ASH1L: variants seen among roughly 807,000 people sequenced by gnomAD.
The protein encoded by ASH1L is histone-lysine N-methyltransferase ASH1L.
In ASH1L, 23 loss-of-function variants were observed where a neutral mutation model predicts 269.0. That is an observed-to-expected ratio of 0.09 (90% CI 0.06 to 0.12). ASH1L has a LOEUF of 0.12. Ranked by LOEUF, ASH1L falls within the 10% of genes least tolerant of loss-of-function variation. ASH1L has a pLI of 1.00. For synonymous variants in ASH1L, 1,187 were observed against 1,253.5 expected, an observed-to-expected ratio of 0.95 and a Z score of 1.12; for missense variants, 2,912 against 3,567.8, an observed-to-expected ratio of 0.82 and a Z score of 4.68.
At chr1:155,355,712 T>G (rs529451175) in intron 15 of ASH1L, among the ~76,000 whole-genome samples, 4 of 152,280 alleles carry the variant, frequency 2.6e-5, no homozygotes, top group African/African-American at 9.6e-5. Context: ...AATTTAAAAT[T>G]TCTACAACTC....
At chr1:155,528,125 C>T (rs1008999952) in intron 1 of ASH1L, among the ~76,000 whole-genome samples, 3 of 152,178 alleles carry the variant, frequency 2.0e-5, no homozygotes, top group Non-Finnish European at 2.9e-5. Flanking sequence ...GCTTACTTGA[C>T]ATACTGACTG....
In ASH1L at chr1:155,562,310, A is replaced by G. The variant is rs774048238; in HGVS notation, c.-257T>C. 4.4e-6 allele frequency: 7 copies of G among 1,587,766 alleles called. No homozygotes were observed. In the Admixed American group the frequency reaches 8.4e-5, roughly 19 times the overall value. On this transcript the variant is annotated 5_prime_UTR_variant, in exon 1 of 28. Coordinates refer to ENST00000392403, the MANE Select transcript of ASH1L (RefSeq NM_018489.3). ...GGGTAAGCTGACTGGCGGAAATGCG[A>G]GAGAGGAGAAGGGAAAGGTGGAAGG...
intron 2 of ASH1L, among the ~76,000 whole-genome samples, chr1:155,507,714 A>T (rs1465361202): frequency 6.6e-6 from 1 of 152,160 alleles, no homozygotes; most frequent in Non-Finnish European, 1.5e-5. Flanking sequence ...TCTATAAAAA[A>T]TAAAATAAAA....
intron 7 of ASH1L, among the ~76,000 whole-genome samples, chr1:155,384,301 C>G (rs1405761219): frequency 1.3e-5 from 2 of 152,054 alleles, no homozygotes; most frequent in Admixed American, 1.3e-4. Flanking sequence ...TAATTCCTGA[C>G]AGATATTTTC....
chr1:155,466,378 A>G (rs1664701028), intron 3 of ASH1L, among the ~76,000 whole-genome samples: 1 of 152,062 alleles, frequency 6.6e-6, no homozygotes. Context: ...AAACAAAACA[A>G]AACAAAAACT....
At chr1:155,372,099 G>A (rs1656003291) in intron 10 of ASH1L, among the ~76,000 whole-genome samples, 1 of 151,440 alleles carries the variant, frequency 6.6e-6, no homozygotes, top group Admixed American at 6.6e-5. Context: ...TGTCCTCTGG[G>A]TTCAAGCAAT....
At chr1:155,466,356 A>C (rs1287926363) in intron 3 of ASH1L, among the ~76,000 whole-genome samples, 3 of 152,032 alleles carry the variant, frequency 2.0e-5, no homozygotes, top group Non-Finnish European at 4.4e-5. Flanking sequence ...CCCGTCTCAA[A>C]AAAACAAAAC....
intron 5 of ASH1L, among the ~76,000 whole-genome samples, chr1:155,429,159 A>T (rs576754283): frequency 3.9e-5 from 6 of 152,356 alleles, no homozygotes; most frequent in Non-Finnish European, 8.8e-5. Flanking sequence ...ACAAACAATG[A>T]AACAACACAT....
chr1:155,480,683 C>T lies in ASH1L; in HGVS notation c.2187G>A (p.Arg729=), dbSNP rs1356688567. 1 of 1,613,446 alleles carries T rather than the reference C, an allele frequency of 6.2e-7. No homozygotes were observed. The highest frequency in any genetic ancestry group is 1.3e-5 in the African/African-American group (1 of 74,816). ...TTTCTAATTCTAGCCCTTTTGGAGACCGGCATGTGCTTCTTGCCACCACTT... is the reference window on the plus strand; with the variant it reads ...TTTCTAATTCTAGCCCTTTTGGAGATCGGCATGTGCTTCTTGCCACCACTT... ...WTKVVARSTC[R]SPKGLELERS... Residue 729 remains arginine (R), a synonymous_variant, in exon 3 of 28, where the codon CGG becomes CGA. Transcript: ENST00000392403.
rs1357770890 is a variant in ASH1L at position 155,478,927 on chromosome 1, G to A, written c.3943C>T (p.Leu1315Phe). ...TTGATTCGAAAGATAGTTGGCAGAA[G>A]ATCTCGGGGGATAAAATGATGACTT... ...HRSHHFIPRDLLPTIFRINFN... is the reference protein window; with the variant it reads ...HRSHHFIPRDFLPTIFRINFN... Residue 1315 changes from leucine (L) to phenylalanine (F), a missense_variant, in exon 3 of 28, where the codon CTT (leucine) becomes TTT (phenylalanine). Transcript: ENST00000392403. This position sits in a 1 kb window ranked among gnomAD's most constrained non-coding sequence, Gnocchi z 4.6. 1 of 1,614,006 alleles carries A rather than the reference G, an allele frequency of 6.2e-7. No homozygotes were observed. The highest frequency in any genetic ancestry group is 8.5e-7 in the Non-Finnish European group (1 of 1,180,022).
intron 2 of ASH1L, among the ~76,000 whole-genome samples, chr1:155,517,618 A>G (rs11264378): frequency 0.96 from 145,394 of 151,530 alleles, 70,087 homozygotes; most frequent in East Asian, 1. Flanking sequence ...ACTCCAGCCT[A>G]GGCGACAGAG....
chr1:155,429,830 C>T (rs757828704), intron 5 of ASH1L, among the ~76,000 whole-genome samples: 8 of 152,064 alleles, frequency 5.3e-5, no homozygotes, highest in Admixed American at 1.3e-4. Flanking sequence ...GACAGGTTCT[C>T]GCTTTGTCAC....
At chr1:155,522,256 G>A (rs1199858482) in intron 1 of ASH1L, among the ~76,000 whole-genome samples, 1 of 152,132 alleles carries the variant, frequency 6.6e-6, no homozygotes, top group African/African-American at 2.4e-5. Context: ...TATCTTTGTT[G>A]TTAGGATACA....
intron 6 of ASH1L, among the ~76,000 whole-genome samples, chr1:155,412,837 A>G (rs1234622465): frequency 6.6e-6 from 1 of 151,364 alleles, no homozygotes; most frequent in Admixed American, 6.6e-5. Context: ...GCTGCTGCCT[A>G]TTGCTTGGTG....
At position 155,562,511 on chromosome 1, in the gene ASH1L, GC is replaced by G. The variant is rs758996300; in HGVS notation, c.-459del. The G allele has an allele frequency of 2.7e-6, 4 of 1,504,198 alleles. No homozygotes were observed. The highest frequency in any genetic ancestry group is 9.0e-7 in the Non-Finnish European group (1 of 1,116,758). 93.2% of individuals were successfully genotyped at this position (1,504,198 alleles called of 1,614,324 possible). A position where few individuals can be genotyped will look rare whatever the true frequency, so the allele number is the denominator to read the frequency against. On this transcript the variant is annotated 5_prime_UTR_variant, in exon 1 of 28. Transcript: ENST00000392403. Reference sequence around the variant, plus strand: ...AGGGAGGGAGCGAAGGGCGCCTAGCGCCCCCCTCAACCTTCCACTCCTTCCT... The same window carrying G: ...AGGGAGGGAGCGAAGGGCGCCTAGCGCCCCCTCAACCTTCCACTCCTTCCT...
At chr1:155,456,465 T>C (rs1235887657) in intron 4 of ASH1L, among the ~76,000 whole-genome samples, 1 of 152,190 alleles carries the variant, frequency 6.6e-6, no homozygotes, top group Non-Finnish European at 1.5e-5. Flanking sequence ...TTGTTTAGGC[T>C]TCTGTGACAT....
chr1:155,448,668 T>A (rs1663220674), intron 4 of ASH1L, among the ~76,000 whole-genome samples: 6 of 152,100 alleles, frequency 3.9e-5, no homozygotes, highest in Admixed American at 3.9e-4. Context: ...CTAATTTTTG[T>A]ATTTTTTTAG....
At chr1:155,438,258 A>G in intron 5 of ASH1L, 69 bp downstream of exon 5, 3 of 1,419,334 alleles carry the variant, frequency 2.1e-6, no homozygotes, top group Non-Finnish European at 2.8e-6. Context: ...TAATTCAGCT[A>G]TAGAGTTACA....
intron 2 of ASH1L, among the ~76,000 whole-genome samples, chr1:155,509,218 A>G (rs1668008068): frequency 2.0e-5 from 3 of 152,154 alleles, no homozygotes; most frequent in African/African-American, 2.4e-5. Flanking sequence ...CATGGCTCAC[A>G]CCTGTAATCC....
Sources: allele counts gnomAD v4.1 joint callset (sites outside exome capture counted in the v4.1 genomes callset), GRCh38; gene constraint gnomAD v4.1.1; non-coding constraint Gnocchi (gnomAD v3.1); transcripts MANE v1.5; gene names NCBI Gene and HGNC (gene_info 2026-07-23, HGNC 2026-07-21).